GRB10: variants seen among roughly 807,000 people sequenced by gnomAD.
GRB10 encodes growth factor receptor bound protein 10, also known as growth factor receptor-bound protein 10.
A neutral mutation model predicts 80.9 loss-of-function variants in GRB10; 20 were observed. The ratio of observed to expected loss-of-function variants is 0.25; its 90% CI spans 0.17 to 0.36. The LOEUF (loss-of-function observed/expected upper bound fraction) is 0.36. Among genes scored for constraint, GRB10 ranks in the 10% least tolerant of loss-of-function variants. The probability of loss-of-function intolerance (pLI) is 1.00; values close to 1 mark genes in which losing one functional copy is unlikely to be tolerated. For missense variants in GRB10, 548 were observed against 747.7 expected, an observed-to-expected ratio of 0.73 and a Z score of 3.12; for synonymous variants, 291 against 291.5, an observed-to-expected ratio of 1.00 and a Z score of 0.02.
exon 1 of GRB10, chr7:50,793,397 G>A (rs2079017420): frequency 6.7e-6 from 1 of 148,622 alleles, no homozygotes. Flanking sequence ...GGCTCCACCG[G>A]GTCTCCGAGC....
At chr7:50,708,673 GTTTTTT>G (rs150250702) in intron 4 of GRB10, among the ~76,000 whole-genome samples, 1 of 83,260 alleles carries the variant, frequency 1.2e-5, no homozygotes, top group Non-Finnish European at 2.4e-5. Flanking sequence ...CTGTGAGTCT[GTTTTTT>G]TTTTTTTTTT....
intron 2 of GRB10, among the ~76,000 whole-genome samples, chr7:50,780,142 G>A (rs566603479): frequency 5.3e-5 from 8 of 152,258 alleles, no homozygotes; most frequent in African/African-American, 1.9e-4. Flanking sequence ...TGTGTCTCCT[G>A]AACAAATCAG....
intron 2 of GRB10, among the ~76,000 whole-genome samples, chr7:50,775,683 C>T (rs1377575211): frequency 7.2e-5 from 11 of 152,208 alleles, no homozygotes; most frequent in Non-Finnish European, 8.8e-5. Flanking sequence ...ACCTATCCTG[C>T]AGCAATTCTC....
At chr7:50,760,991 T>C (rs989084033) in intron 2 of GRB10, among the ~76,000 whole-genome samples, 2 of 152,254 alleles carry the variant, frequency 1.3e-5, no homozygotes, top group South Asian at 2.1e-4. Flanking sequence ...TTTTTGAAGA[T>C]CAAATTGAAG....
chr7:50,720,835 T>C (rs949113247), intron 4 of GRB10, among the ~76,000 whole-genome samples: 26 of 152,120 alleles, frequency 1.7e-4, no homozygotes, highest in Non-Finnish European at 1.2e-4. Flanking sequence ...TATTTACTGC[T>C]TGTTTAAAAT....
intron 4 of GRB10, among the ~76,000 whole-genome samples, chr7:50,721,315 A>ATG (rs1311890419): frequency 6.6e-6 from 1 of 152,156 alleles, no homozygotes. Flanking sequence ...CCTGCCCAGG[A>ATG]TGCGACTCCT....
At chr7:50,744,283 C>G (rs2072444396) in intron 3 of GRB10, among the ~76,000 whole-genome samples, 1 of 152,136 alleles carries the variant, frequency 6.6e-6, no homozygotes, top group Non-Finnish European at 1.5e-5. Context: ...AAAAGGACGG[C>G]AGGGAGGGAG....
intron 5 of GRB10, among the ~76,000 whole-genome samples, chr7:50,698,967 G>C (rs1296414466): frequency 6.6e-6 from 1 of 152,150 alleles, no homozygotes; most frequent in Non-Finnish European, 1.5e-5. Context: ...TTGTTTTCAT[G>C]CTCTGAAACA....
At chr7:50,660,296 G>C (rs2059122180) in intron 7 of GRB10, among the ~76,000 whole-genome samples, 1 of 152,192 alleles carries the variant, frequency 6.6e-6, no homozygotes, top group Non-Finnish European at 1.5e-5. Flanking sequence ...CACAACCACA[G>C]AAGTGGGGGG....
chr7:50,642,907 TAGAC>T (rs977253802), intron 7 of GRB10, among the ~76,000 whole-genome samples: 9 of 152,190 alleles, frequency 5.9e-5, no homozygotes, highest in Non-Finnish European at 1.3e-4. Flanking sequence ...TGTAGAATGA[TAGAC>T]AAACTGGACA....
intron 17 of GRB10, among the ~76,000 whole-genome samples, chr7:50,601,712 A>C (rs1350206902): frequency 1.3e-5 from 2 of 152,178 alleles, no homozygotes; most frequent in Non-Finnish European, 2.9e-5. Context: ...AAAATCCTGT[A>C]ATCTCAAATT....
chr7:50,642,772 T>C (rs372014147), intron 7 of GRB10, among the ~76,000 whole-genome samples: 14 of 152,212 alleles, frequency 9.2e-5, no homozygotes, highest in African/African-American at 3.1e-4. Context: ...CACACACGCA[T>C]AGACACATAC....
intron 7 of GRB10, among the ~76,000 whole-genome samples, chr7:50,653,466 G>C (rs950892910): frequency 3.3e-5 from 5 of 152,212 alleles, no homozygotes; most frequent in Admixed American, 2.0e-4. Flanking sequence ...GGGGGACTCA[G>C]GAAGAGATTT....
At chr7:50,607,681 C>T (rs567650199) in intron 13 of GRB10, among the ~76,000 whole-genome samples, 16 of 152,288 alleles carry the variant, frequency 1.1e-4, no homozygotes, top group African/African-American at 3.4e-4. Context: ...GCAAGCTGCC[C>T]GCAGTCACGA....
At chr7:50,723,890 A>T (rs2068158629) in intron 4 of GRB10, among the ~76,000 whole-genome samples, 1 of 152,208 alleles carries the variant, frequency 6.6e-6, no homozygotes, top group Non-Finnish European at 1.5e-5. Context: ...GGTAGGTCAC[A>T]CTGAGAGCTA....
In GRB10 at chr7:50,592,742, G is replaced by A. The variant is rs1293865229; in HGVS notation, c.*210C>T. 11 of 601,490 alleles carry A rather than the reference G, an allele frequency of 1.8e-5. No homozygotes were observed. Among genetic ancestry groups the A allele is most frequent in the East Asian group, 5.8e-5 (2 of 34,618 alleles). 37.3% of individuals were successfully genotyped at this position (601,490 alleles called of 1,614,324 possible). On this transcript the variant is annotated 3_prime_UTR_variant, in exon 19 of 19. Coordinates refer to ENST00000401949, the MANE Select transcript of GRB10 (RefSeq NM_001350814.2). ...CCATGCCCTCCCCAATTTGGCCGAT[G>A]CAGAGGGAGGCGACCCTGCTGGGTT... is the stretch of plus-strand genomic sequence containing the variant.
At chr7:50,611,914 C>G (rs573269073) in intron 13 of GRB10, among the ~76,000 whole-genome samples, 2 of 152,326 alleles carry the variant, frequency 1.3e-5, no homozygotes, top group Non-Finnish European at 2.9e-5. Context: ...CCAAGCTCAC[C>G]TGGGCCAGCT....
At chr7:50,736,811 C>T (rs1434532208) in intron 3 of GRB10, among the ~76,000 whole-genome samples, 5 of 152,048 alleles carry the variant, frequency 3.3e-5, no homozygotes, top group South Asian at 2.1e-4. Context: ...TTTTTTTAAA[C>T]GGTCCTAGGA....
chr7:50,763,024 AGG>A (rs2075929730), intron 2 of GRB10, among the ~76,000 whole-genome samples: 1 of 152,018 alleles, frequency 6.6e-6, no homozygotes, highest in Non-Finnish European at 1.5e-5. Flanking sequence ...AGGCTGAGGC[AGG>A]AGAATGGCAT....
Sources: allele counts gnomAD v4.1 joint callset (sites outside exome capture counted in the v4.1 genomes callset), GRCh38; gene constraint gnomAD v4.1.1; transcripts MANE v1.5; gene names NCBI Gene and HGNC (gene_info 2026-07-23, HGNC 2026-07-21).